CFAP61: variants seen among roughly 807,000 people sequenced by gnomAD.
The protein encoded by CFAP61 is cilia- and flagella-associated protein 61.
In CFAP61, 107 loss-of-function variants were observed where a neutral mutation model predicts 135.6. That is an observed-to-expected ratio of 0.79 (90% CI 0.67 to 0.93). CFAP61 has a LOEUF of 0.93. Among genes scored for constraint, CFAP61 ranks in the 40% least tolerant of loss-of-function variants. The probability of loss-of-function intolerance (pLI) is 0.00; values close to 1 mark genes in which losing one functional copy is unlikely to be tolerated. For missense variants in CFAP61, 1,507 were observed against 1,556.2 expected (o/e 0.97, Z 0.53); for synonymous variants, 575 against 578.5 (o/e 0.99, Z 0.09).
intron 8 of CFAP61, among the ~76,000 whole-genome samples, chr20:20,103,435 A>G (rs78813619): frequency 6.6e-6 from 1 of 152,228 alleles, no homozygotes; most frequent in African/African-American, 2.4e-5. Flanking sequence ...GTCCAAGCAT[A>G]AGGAAAAACT....
chr20:20,191,533 T>C, intron 15 of CFAP61, 114 bp downstream of exon 15: 1 of 619,250 alleles, frequency 1.6e-6, no homozygotes. Context: ...AATGCCTCCT[T>C]TTTCTGATGG....
At position 20,191,339 on chromosome 20, in the gene CFAP61, C is replaced by T; in HGVS notation, c.1513-3C>T. 1 of 1,611,400 alleles carries T rather than the reference C, an allele frequency of 6.2e-7. No individual in the cohort carries two copies. The highest frequency in any genetic ancestry group is 8.5e-7 in the Non-Finnish European group (1 of 1,178,126). ...GTCTTAAAATATATGCTTATCTTTT[C>T]AGGATGGAACACTGCTGCAGGCATT... On this transcript the variant is annotated splice_polypyrimidine_tract_variant and splice_region_variant and intron_variant, in intron 14 of 26. Transcript: ENST00000245957.
chr20:20,344,395 A>G (rs2058561452), intron 26 of CFAP61, among the ~76,000 whole-genome samples: 1 of 152,230 alleles, frequency 6.6e-6, no homozygotes, highest in Non-Finnish European at 1.5e-5. Context: ...AGAGTCTGGT[A>G]TTAGGAAAAT....
At position 20,075,496 on chromosome 20, in the gene CFAP61, TC is replaced by T; in HGVS notation, c.448del (p.Leu150SerfsTer2). 3 of 1,614,110 alleles carry T rather than the reference TC, an allele frequency of 1.9e-6. No homozygotes were observed. The highest frequency in any genetic ancestry group is 2.5e-6 in the Non-Finnish European group (3 of 1,179,932). ...TTTATCTCTGTGATTTAGGCTCAAC[TC>T]TCATAACTGTTTTTGACCAAGTGGG... The part of the protein sequence containing the change: ...VPSYMSLGST[L>X]ITVFDQVGNI... On this transcript the variant is annotated frameshift_variant, in exon 6 of 27. Transcript: ENST00000245957. LOFTEE classifies it high-confidence loss of function.
intron 18 of CFAP61, among the ~76,000 whole-genome samples, chr20:20,235,720 G>C (rs1408171496): frequency 6.6e-6 from 1 of 152,182 alleles, no homozygotes; most frequent in Non-Finnish European, 1.5e-5. Context: ...AGGATTGAGG[G>C]AATAAGGACA....
At chr20:20,268,204 C>A (rs150881284) in intron 21 of CFAP61, among the ~76,000 whole-genome samples, 1 of 152,306 alleles carries the variant, frequency 6.6e-6, no homozygotes, top group East Asian at 1.9e-4. Context: ...GGCAAGGGAG[C>A]CAAGGACAGT....
intron 8 of CFAP61, among the ~76,000 whole-genome samples, chr20:20,116,912 C>T (rs987408649): frequency 1.3e-5 from 2 of 152,244 alleles, no homozygotes; most frequent in African/African-American, 4.8e-5. Context: ...GTATGTAACA[C>T]TGTGCCCAGA....
intron 25 of CFAP61, among the ~76,000 whole-genome samples, chr20:20,331,747 A>G (rs2058007349): frequency 6.6e-6 from 1 of 151,454 alleles, no homozygotes; most frequent in Non-Finnish European, 1.5e-5. Context: ...ATATGTGCAC[A>G]TATACACTTT....
At chr20:20,145,931 T>C (rs2146760568) in intron 9 of CFAP61, among the ~76,000 whole-genome samples, 1 of 152,308 alleles carries the variant, frequency 6.6e-6, no homozygotes, top group Middle Eastern at 3.4e-3. Flanking sequence ...CAATAATTGA[T>C]AGAATAAGTA....
At chr20:20,077,206 G>C (rs2046114988) in intron 6 of CFAP61, among the ~76,000 whole-genome samples, 1 of 152,084 alleles carries the variant, frequency 6.6e-6, no homozygotes, top group Admixed American at 6.5e-5. Context: ...TATAAACTGT[G>C]GTACATCCAT....
At position 20,187,947 on chromosome 20, in the gene CFAP61, T is replaced by C. The variant is rs2055633780; in HGVS notation, c.1403T>C (p.Phe468Ser). 34 of 1,613,326 alleles carry C rather than the reference T, an allele frequency of 2.1e-5. No homozygotes were observed. Among genetic ancestry groups the C allele is most frequent in the Non-Finnish European group, 2.9e-5 (34 of 1,179,270 alleles). The change falls in exon 14 of 27, where the codon TTT becomes TCT. Residue 468 changes from phenylalanine to serine, a missense_variant. Physicochemically the swap from Phe to Ser is radical, Grantham distance 155. Coordinates refer to ENST00000245957, the MANE Select transcript of CFAP61 (RefSeq NM_015585.4). ...AGLLKSINIR[F>S]ATLLDTPGVE... ...TTACCCAGGTCCATTAATATAAGATTTGCCACTCTCTTGGATACTCCTGGT... is the reference window on the plus strand; with the variant it reads ...TTACCCAGGTCCATTAATATAAGATCTGCCACTCTCTTGGATACTCCTGGT...
chr20:20,086,972 A>G (rs2046854741), intron 6 of CFAP61, among the ~76,000 whole-genome samples: 1 of 152,074 alleles, frequency 6.6e-6, no homozygotes, highest in Non-Finnish European at 1.5e-5. Flanking sequence ...CACTGGCTAG[A>G]AATAGAGGTG....
At chr20:20,355,028 A>T (rs78449450) in intron 26 of CFAP61, among the ~76,000 whole-genome samples, 1 of 41,928 alleles carries the variant, frequency 2.4e-5, no homozygotes, top group Admixed American at 3.3e-4. Context: ...AGGGGAGGTG[A>T]TCACACTGAG....
intron 26 of CFAP61, among the ~76,000 whole-genome samples, chr20:20,346,523 A>C (rs943126976): frequency 6.6e-6 from 1 of 151,438 alleles, no homozygotes; most frequent in Non-Finnish European, 1.5e-5. Flanking sequence ...CGTCTCAAAA[A>C]AAAAAAAAAA....
intron 17 of CFAP61, among the ~76,000 whole-genome samples, chr20:20,223,934 G>A (rs933809361): frequency 1.3e-5 from 2 of 152,138 alleles, no homozygotes; most frequent in Non-Finnish European, 2.9e-5. Context: ...AAATGGAAAT[G>A]AACCAACTAA....
At chr20:20,105,951 G>A (rs1259945203) in intron 8 of CFAP61, among the ~76,000 whole-genome samples, 1 of 140,160 alleles carries the variant, frequency 7.1e-6, no homozygotes, top group Non-Finnish European at 1.5e-5. Flanking sequence ...GCCACTGAAT[G>A]TCTTTAGCAT....
In CFAP61 at chr20:20,055,991, T is replaced by C. The variant is rs1353660210; in HGVS notation, c.-36-627T>C. ...TTCCCAAAGTGTCCTTCTGGAACGTTAGGTTCTCCACTGTTGCCGTCATTA... is the reference window on the plus strand; with the variant it reads ...TTCCCAAAGTGTCCTTCTGGAACGTCAGGTTCTCCACTGTTGCCGTCATTA... On this transcript the variant is annotated intron_variant, in intron 1 of 26. Transcript: ENST00000245957. 1.9e-6 allele frequency: 3 copies of C among 1,610,644 alleles called. No homozygotes were observed. In the African/African-American group the frequency reaches 4.0e-5, roughly 22 times the overall value.
At chr20:20,116,043 A>T (rs531876341) in intron 8 of CFAP61, among the ~76,000 whole-genome samples, 1 of 152,202 alleles carries the variant, frequency 6.6e-6, no homozygotes, top group Non-Finnish European at 1.5e-5. Flanking sequence ...GATTGTACTA[A>T]TTTACATTCC....
intron 6 of CFAP61, among the ~76,000 whole-genome samples, chr20:20,087,293 C>T (rs2046875801): frequency 6.6e-6 from 1 of 152,124 alleles, no homozygotes; most frequent in South Asian, 2.1e-4. Flanking sequence ...CTCCTTCTCT[C>T]CCCTCCCTAG....
Sources: gnomAD v4.1 joint callset for allele counts (sites outside exome capture counted in the v4.1 genomes callset) on GRCh38, gnomAD v4.1.1 for gene constraint, MANE v1.5 for transcripts, NCBI Gene and HGNC (gene_info 2026-07-23, HGNC 2026-07-21) for gene names.